Variants in CADPS2 observed in about 807,000 individuals in gnomAD.
CADPS2 encodes calcium dependent secretion activator 2.
CADPS2 carries 93 observed loss-of-function variants against 172.5 expected under a neutral mutation model. That is an observed-to-expected ratio of 0.54 (90% confidence interval 0.46 to 0.64). The LOEUF (loss-of-function observed/expected upper bound fraction) is 0.64, where lower values mean the gene tolerates loss of function less well. CADPS2 is among the 30% of genes least tolerant of loss of function. The probability of loss-of-function intolerance (pLI) is 0.00; values close to 1 mark genes in which losing one functional copy is unlikely to be tolerated. For missense variants in CADPS2, 1,420 were observed against 1,565.9 expected, an observed-to-expected ratio of 0.91 and a Z score of 1.57; for synonymous variants, 546 against 555.2, an observed-to-expected ratio of 0.98 and a Z score of 0.23.
chr7:122,877,551 A>C (rs1193117630), intron 1 of CADPS2, among the ~76,000 whole-genome samples: 2 of 152,210 alleles, frequency 1.3e-5, no homozygotes, highest in Non-Finnish European at 2.9e-5. Context: ...ATCAATGACC[A>C]GTTAATTACA....
chr7:122,688,422 G>A (rs1043465434), intron 2 of CADPS2, among the ~76,000 whole-genome samples: 1 of 152,202 alleles, frequency 6.6e-6, no homozygotes, highest in Non-Finnish European at 1.5e-5. Flanking sequence ...TCAGGGTCAG[G>A]TTCCAGCCCA....
intron 27 of CADPS2, among the ~76,000 whole-genome samples, chr7:122,353,131 G>A (rs2038908802): frequency 6.6e-6 from 1 of 152,118 alleles, no homozygotes; most frequent in Admixed American, 6.5e-5. Context: ...GCCATTAAAA[G>A]TAATGGCAAT....
At chr7:122,573,097 C>G (rs978328664) in intron 7 of CADPS2, among the ~76,000 whole-genome samples, 1 of 152,072 alleles carries the variant, frequency 6.6e-6, no homozygotes, top group East Asian at 1.9e-4. Flanking sequence ...TGAACCTGTC[C>G]GCACATTTGT....
At chr7:122,698,866 A>AGAACACT in intron 2 of CADPS2, 3 of 1,610,366 alleles carry the variant, frequency 1.9e-6, no homozygotes, top group Non-Finnish European at 2.5e-6. Context: ...GAACTTCATA[A>AGAACACT]GCCAGGAAGA....
chr7:122,369,110 C>T, intron 25 of CADPS2, among the ~76,000 whole-genome samples: 1 of 142,068 alleles, frequency 7.0e-6, no homozygotes, highest in Non-Finnish European at 1.5e-5. Flanking sequence ...GTCTTTCTGG[C>T]TAGAAGAATT....
chr7:122,534,802 A>G (rs10239784), intron 8 of CADPS2, among the ~76,000 whole-genome samples: 31,800 of 152,018 alleles, frequency 0.21, 4,157 homozygotes, highest in Middle Eastern at 0.3. Flanking sequence ...AATGAAATCA[A>G]TTTCAAAATA....
chr7:122,470,277 T>C (rs868176614), intron 14 of CADPS2, among the ~76,000 whole-genome samples: 4 of 151,328 alleles, frequency 2.6e-5, no homozygotes, highest in South Asian at 2.1e-4. Flanking sequence ...ACAATGGAAA[T>C]GTAAAAAAGA....
intron 1 of CADPS2, among the ~76,000 whole-genome samples, chr7:122,791,372 TC>T (rs1225149343): frequency 1.3e-5 from 2 of 152,288 alleles, no homozygotes; most frequent in East Asian, 3.9e-4. Context: ...CTTTTTTTTT[TC>T]TTTCAAATAT....
At chr7:122,500,638 C>T (rs1481379692) in intron 9 of CADPS2, among the ~76,000 whole-genome samples, 2 of 152,114 alleles carry the variant, frequency 1.3e-5, no homozygotes, top group Non-Finnish European at 2.9e-5. Context: ...TCAGGATACA[C>T]AGATAGCTAT....
chr7:122,694,955 G>A (rs193201759), intron 2 of CADPS2, among the ~76,000 whole-genome samples: 6 of 152,228 alleles, frequency 3.9e-5, no homozygotes, highest in Admixed American at 2.0e-4. Context: ...TGATACCTAC[G>A]TGCTGCTTCA....
chr7:122,858,768 T>C (rs1281873782), intron 1 of CADPS2, among the ~76,000 whole-genome samples: 1 of 152,218 alleles, frequency 6.6e-6, no homozygotes, highest in Non-Finnish European at 1.5e-5. Context: ...TGGACATCAA[T>C]ATGTAACTCT....
intron 28 of CADPS2, among the ~76,000 whole-genome samples, chr7:122,326,973 G>T (rs1205696377): frequency 1.3e-5 from 2 of 151,856 alleles, no homozygotes; most frequent in Admixed American, 1.3e-4. Context: ...ATAAATAAAA[G>T]CTTCAAGTTT....
At chr7:122,566,036 ATC>A (rs1376387006) in intron 7 of CADPS2, among the ~76,000 whole-genome samples, 4 of 152,118 alleles carry the variant, frequency 2.6e-5, no homozygotes, top group African/African-American at 9.7e-5. Flanking sequence ...ATCATGTGGT[ATC>A]TGTCTTTCTG....
chr7:122,740,962 A>C (rs1246563669), intron 1 of CADPS2, among the ~76,000 whole-genome samples: 1 of 152,302 alleles, frequency 6.6e-6, no homozygotes. Flanking sequence ...ATATCCTTGG[A>C]ATCAGCAATT....
At chr7:122,605,310 A>T (rs1019497693) in intron 6 of CADPS2, among the ~76,000 whole-genome samples, 1 of 152,128 alleles carries the variant, frequency 6.6e-6, no homozygotes, top group African/African-American at 2.4e-5. Context: ...TAGTAAAAAA[A>T]TTAAGTAACT....
At chr7:122,702,809 A>G in intron 2 of CADPS2, 1 of 1,270,234 alleles carries the variant, frequency 7.9e-7, no homozygotes, top group Non-Finnish European at 1.1e-6. Flanking sequence ...CAGTTGTAGA[A>G]GAACATAAAG....
chr7:122,734,403 A>AAAAAAATAG (rs1360698940), intron 2 of CADPS2, among the ~76,000 whole-genome samples: 1 of 144,818 alleles, frequency 6.9e-6, no homozygotes, highest in Non-Finnish European at 1.5e-5. Flanking sequence ...AAAAAAAGAA[A>AAAAAAATAG]ATCTGGATTC....
chr7:122,635,687 C>T (rs1165999009), intron 3 of CADPS2, among the ~76,000 whole-genome samples: 1 of 152,052 alleles, frequency 6.6e-6, no homozygotes, highest in Non-Finnish European at 1.5e-5. Flanking sequence ...CATTGTTGGG[C>T]ATTTGGATTG....
At chr7:122,667,561 C>T (rs544585251) in intron 2 of CADPS2, among the ~76,000 whole-genome samples, 1 of 152,236 alleles carries the variant, frequency 6.6e-6, no homozygotes, top group Admixed American at 6.5e-5. Flanking sequence ...GAGAAATGAA[C>T]CAAAGACCTT....
Sources: allele counts gnomAD v4.1 joint callset (sites outside exome capture counted in the v4.1 genomes callset), GRCh38; gene constraint gnomAD v4.1.1; transcripts MANE v1.5; gene names NCBI Gene and HGNC (gene_info 2026-07-23, HGNC 2026-07-21).